The following PAK2 variants were observed in gnomAD, a reference collection of about 807,000 sequenced individuals.
PAK2 encodes the protein serine/threonine-protein kinase PAK 2.
In PAK2, 21 loss-of-function variants were observed where a neutral mutation model predicts 65.9. The ratio of observed to expected loss-of-function variants is 0.32; its 90% CI spans 0.23 to 0.46. PAK2 has a LOEUF of 0.46. PAK2 is among the 20% of genes least tolerant of loss of function. The probability of loss-of-function intolerance (pLI) is 1.00; values close to 1 mark genes in which losing one functional copy is unlikely to be tolerated. For missense variants in PAK2, 324 were observed against 642.6 expected (o/e 0.50, Z 5.36); for synonymous variants, 204 against 219.7 (o/e 0.93, Z 0.63).
chr3:196,800,626 T>C (rs572118015), intron 2 of PAK2, among the ~76,000 whole-genome samples: 1 of 152,324 alleles, frequency 6.6e-6, no homozygotes, highest in Non-Finnish European at 1.5e-5. Context: ...GGCAGTCTGA[T>C]AGTGGCATAA....
chr3:196,772,869 A>G (rs1403076686), intron 1 of PAK2, among the ~76,000 whole-genome samples: 1 of 152,210 alleles, frequency 6.6e-6, no homozygotes, highest in Non-Finnish European at 1.5e-5. Flanking sequence ...TAATGTACTG[A>G]AAAATTAAGG....
chr3:196,811,900 A>G (rs1389958172), intron 8 of PAK2, among the ~76,000 whole-genome samples: 1 of 152,114 alleles, frequency 6.6e-6, no homozygotes, highest in Non-Finnish European at 1.5e-5. Flanking sequence ...GCTTATGGGA[A>G]TCTTCAAATT....
chr3:196,769,219 C>T (rs1260799111), intron 1 of PAK2, among the ~76,000 whole-genome samples: 1 of 150,992 alleles, frequency 6.6e-6, no homozygotes, highest in Admixed American at 6.6e-5. Flanking sequence ...GCCAACCACT[C>T]GGAGGCTGAG....
At chr3:196,760,590 A>G (rs552261552) in intron 1 of PAK2, among the ~76,000 whole-genome samples, 1 of 152,282 alleles carries the variant, frequency 6.6e-6, no homozygotes, top group East Asian at 1.9e-4. Context: ...ATATTTCTAC[A>G]GTGATAAGTA....
intron 1 of PAK2, among the ~76,000 whole-genome samples, chr3:196,742,923 A>AAAAAAG (rs947471963): frequency 1.3e-5 from 2 of 152,228 alleles, no homozygotes; most frequent in Admixed American, 1.3e-4. Context: ...CCGTCTCATT[A>AAAAAAG]AAAAAGAAAA....
At chr3:196,817,954 TCTG>T (rs1192100244) in intron 11 of PAK2, 100 bp from the exon 12 acceptor site, 2 of 509,766 alleles carry the variant, frequency 3.9e-6, no homozygotes, top group African/African-American at 3.9e-5. Flanking sequence ...TGGAGGGTCT[TCTG>T]CTGGGCACTG....
rs923134357 is a variant in PAK2, at chr3:196,766,553, G to C, written c.-21-16073G>C. On this transcript the variant is annotated intron_variant, in intron 1 of 14. Coordinates refer to ENST00000327134, the MANE Select transcript of PAK2 (RefSeq NM_002577.4). ...AAAAAGTACAAGGATTTTCTTAAGT[G>C]ATCAGTGGATGGCTATCTTACTACA... Among the ~76,000 whole-genome samples the C allele has an allele frequency of 7.9e-5, 12 of 152,150 alleles. 2 individuals carry two copies. Among genetic ancestry groups the C allele is most frequent in the Admixed American group, 7.9e-4 (12 of 15,278 alleles).
chr3:196,821,626 T>C (rs1711655512), intron 13 of PAK2, among the ~76,000 whole-genome samples: 1 of 152,102 alleles, frequency 6.6e-6, no homozygotes. Flanking sequence ...GAGGTTGCAG[T>C]GAGCCGAGAT....
chr3:196,783,090 A>T (rs552549192), intron 2 of PAK2, among the ~76,000 whole-genome samples: 1 of 152,310 alleles, frequency 6.6e-6, no homozygotes, highest in East Asian at 1.9e-4. Context: ...GACCTTGGCC[A>T]TATTTTAATG....
At chr3:196,748,361 C>T (rs1182437963) in intron 1 of PAK2, among the ~76,000 whole-genome samples, 2 of 152,108 alleles carry the variant, frequency 1.3e-5, no homozygotes, top group Admixed American at 1.3e-4. Context: ...CCACAGTTTA[C>T]GTTAGGGTTT....
chr3:196,793,233 C>A (rs1331312180), intron 2 of PAK2, among the ~76,000 whole-genome samples: 1 of 152,078 alleles, frequency 6.6e-6, no homozygotes, highest in East Asian at 1.9e-4. Flanking sequence ...GAATTTAAAC[C>A]ACAGAAGCCT....
chr3:196,754,533 C>G (rs1447354401), intron 1 of PAK2, among the ~76,000 whole-genome samples: 1 of 152,162 alleles, frequency 6.6e-6, no homozygotes, highest in Non-Finnish European at 1.5e-5. Flanking sequence ...GGATCTTACC[C>G]TACCCTGTTT....
intron 9 of PAK2, 115 bp from the exon 10 acceptor site, chr3:196,812,624 A>G: frequency 1.6e-6 from 1 of 607,214 alleles, no homozygotes; most frequent in Non-Finnish European, 3.0e-6. Context: ...GCCACCTGGG[A>G]GTAATAGCAT....
At chr3:196,811,119 T>C (rs899242283) in intron 8 of PAK2, among the ~76,000 whole-genome samples, 3 of 151,850 alleles carry the variant, frequency 2.0e-5, no homozygotes, top group Non-Finnish European at 4.4e-5. Context: ...ATTTTTAATG[T>C]TATTAAACTC....
chr3:196,811,931 TAATC>T (rs1486679296), intron 8 of PAK2, among the ~76,000 whole-genome samples: 4 of 152,112 alleles, frequency 2.6e-5, no homozygotes, highest in Non-Finnish European at 5.9e-5. Flanking sequence ...ATTTGTATCT[TAATC>T]AGGGAAGTGT....
intron 1 of PAK2, among the ~76,000 whole-genome samples, chr3:196,745,006 T>C (rs904094098): frequency 9.9e-5 from 15 of 152,252 alleles, no homozygotes; most frequent in African/African-American, 3.4e-4. Flanking sequence ...GCTCTTCACA[T>C]GTAATAGATA....
At chr3:196,767,168 CT>C (rs1477464825) in intron 1 of PAK2, among the ~76,000 whole-genome samples, 30 of 152,080 alleles carry the variant, frequency 2.0e-4, no homozygotes, top group Non-Finnish European at 4.0e-4. Flanking sequence ...AGCCATTCCC[CT>C]ATTTATGGCT....
intron 1 of PAK2, among the ~76,000 whole-genome samples, chr3:196,750,437 G>C (rs1043164365): frequency 6.6e-6 from 1 of 151,996 alleles, no homozygotes; most frequent in Non-Finnish European, 1.5e-5. Context: ...GTCATGTTTT[G>C]ATTCAGTATT....
intron 1 of PAK2, among the ~76,000 whole-genome samples, chr3:196,743,752 G>GGCGC (rs973429128): frequency 8.6e-5 from 13 of 152,046 alleles, no homozygotes; most frequent in African/African-American, 2.9e-4. Flanking sequence ...CGTGGTGGCG[G>GGCGC]GCGCCTGTAA....
Sources: allele counts gnomAD v4.1 joint callset (sites outside exome capture counted in the v4.1 genomes callset), GRCh38; gene constraint gnomAD v4.1.1; transcripts MANE v1.5; gene names NCBI Gene and HGNC (gene_info 2026-07-23, HGNC 2026-07-21).